RUFY4: variants seen among roughly 807,000 people sequenced by gnomAD.
RUFY4 encodes RUN and FYVE domain-containing protein 4.
Under a neutral mutation model 69.0 loss-of-function variants are expected in RUFY4, and 73 were observed. The ratio of observed to expected loss-of-function variants is 1.06; its 90% CI spans 0.88 to 1.29. The LOEUF is 1.29. Among genes scored for constraint, RUFY4 ranks in the 50% most tolerant of loss-of-function variants. The pLI is 0.00. For missense variants in RUFY4, 770 were observed against 705.6 expected, an observed-to-expected ratio of 1.09 and a Z score of -1.03; for synonymous variants, 287 against 271.8, an observed-to-expected ratio of 1.06 and a Z score of -0.55.
At chr2:218,046,511 A>C (rs969217256) in intron 2 of RUFY4, among the ~76,000 whole-genome samples, 2 of 152,138 alleles carry the variant, frequency 1.3e-5, no homozygotes, top group Non-Finnish European at 2.9e-5. Flanking sequence ...AGTTCCATCC[A>C]TGTTGCTGAA....
At chr2:218,086,587 G>T (rs1207939902) in intron 9 of RUFY4, among the ~76,000 whole-genome samples, 2 of 152,190 alleles carry the variant, frequency 1.3e-5, no homozygotes, top group African/African-American at 4.8e-5. Flanking sequence ...GAATTAAGTG[G>T]GGGAGGTGGT....
At chr2:218,075,065 G>A (rs762963554) in intron 6 of RUFY4, 28 bp from the exon 9 acceptor site, 2 of 1,487,322 alleles carry the variant, frequency 1.3e-6, no homozygotes, top group South Asian at 2.8e-5. Flanking sequence ...TGCTGAGAGG[G>A]ATGACTGGTT....
chr2:218,063,237 C>T lies in RUFY4; in HGVS notation c.-1071+4556C>T, dbSNP rs970182689. ...GCCTTAGAGTCTAAGGGATGACCATCCTACCATCAACCAGGTCCAAGTCCA... is the reference window on the plus strand; with the variant it reads ...GCCTTAGAGTCTAAGGGATGACCATTCTACCATCAACCAGGTCCAAGTCCA... On this transcript the variant is annotated intron_variant and NMD_transcript_variant, in intron 3 of 13. Coordinates refer to the RUFY4 transcript ENST00000457754. Among the ~76,000 whole-genome samples the T allele has an allele frequency of 2.6e-5, 4 of 152,180 alleles. No individual in the cohort carries two copies. The South Asian group carries it at 6.2e-4, about 24-fold the overall frequency.
Position 218,072,504 on chromosome 2 carries a change from C to T in RUFY4, c.279+5C>T. On this transcript the variant is annotated splice_donor_5th_base_variant and intron_variant, in intron 3 of 10. Coordinates refer to ENST00000344321, the Ensembl canonical transcript of RUFY4. ...TTTGTCCGTTCCCAGGACAAGGTAT[C>T]CAGGGCCAGGCAGCAAGAAGGCTGA... The T allele has an allele frequency of 3.3e-6, 5 of 1,536,584 alleles. No homozygotes were observed. Among genetic ancestry groups the T allele is most frequent in the Non-Finnish European group, 4.4e-6 (5 of 1,146,870 alleles).
chr2:218,049,371 G>A (rs749529797), intron 2 of RUFY4, among the ~76,000 whole-genome samples: 1 of 152,120 alleles, frequency 6.6e-6, no homozygotes, highest in African/African-American at 2.4e-5. Flanking sequence ...GATATTTGAG[G>A]TTGAAAGTTT....
At chr2:218,072,689 T>G in intron 3 of RUFY4, 90 bp from the exon 6 acceptor site, 2 of 1,303,740 alleles carry the variant, frequency 1.5e-6, no homozygotes, top group East Asian at 2.5e-5. Flanking sequence ...CCCTTCCCAT[T>G]GCCAAGCACT....
chr2:218,077,591 G>A (rs540183842), intron 8 of RUFY4, among the ~76,000 whole-genome samples: 2 of 152,228 alleles, frequency 1.3e-5, no homozygotes, highest in South Asian at 2.1e-4. Flanking sequence ...TGTGGTCTCC[G>A]GGTACGTCAG....
At chr2:218,065,690 C>T (rs931082003), upstream of RUFY4, 1 of 152,420 alleles carries the variant, frequency 6.6e-6, no homozygotes, top group Non-Finnish European at 1.5e-5. Flanking sequence ...GAGCTGGCCC[C>T]AGGGCCACTG....
chr2:218,089,325 A>G (rs748303044), exon 10 of RUFY4: 2 of 1,613,788 alleles, frequency 1.2e-6, no homozygotes, highest in South Asian at 1.1e-5. Flanking sequence ...GGCCTGTAGC[A>G]AGATCTTTGG....
At chr2:218,039,829 A>G (rs1279288300) in intron 2 of RUFY4, among the ~76,000 whole-genome samples, 1 of 152,170 alleles carries the variant, frequency 6.6e-6, no homozygotes, top group African/African-American at 2.4e-5. Context: ...GGTTGTGCAA[A>G]AGAGTAGCTA....
At chr2:218,073,959 G>A (rs755798786) in intron 6 of RUFY4, 74 bp downstream of exon 8, 6 of 1,444,362 alleles carry the variant, frequency 4.2e-6, no homozygotes, top group South Asian at 1.2e-5. Flanking sequence ...AGTAGAAACT[G>A]AGCTTCCCCC....
At chr2:218,039,335 C>A (rs962722532) in intron 2 of RUFY4, among the ~76,000 whole-genome samples, 7 of 152,142 alleles carry the variant, frequency 4.6e-5, no homozygotes, top group African/African-American at 1.7e-4. Context: ...TTCGGGCATA[C>A]CTGTGGTATG....
chr2:218,059,875 C>G (rs1369706131), intron 3 of RUFY4: 2 of 167,746 alleles, frequency 1.2e-5, no homozygotes, highest in African/African-American at 4.8e-5. Flanking sequence ...AATTCTATGT[C>G]TGATGTTTTG....
upstream of RUFY4, among the ~76,000 whole-genome samples, chr2:218,067,236 C>T (rs147797719): frequency 4.6e-5 from 7 of 152,352 alleles, no homozygotes; most frequent in East Asian, 1.2e-3. Context: ...GATGGCTGCC[C>T]CACCTCCCGG....
At chr2:218,074,169 G>A (rs1209947615) in intron 6 of RUFY4, among the ~76,000 whole-genome samples, 1 of 152,144 alleles carries the variant, frequency 6.6e-6, no homozygotes, top group Non-Finnish European at 1.5e-5. Flanking sequence ...TGAGGGGCGG[G>A]CCACTGAAAG....
At chr2:218,077,302 A>AGGGG (rs529649496) in intron 8 of RUFY4, among the ~76,000 whole-genome samples, 233 of 152,212 alleles carry the variant, frequency 1.5e-3, no homozygotes, top group African/African-American at 5.4e-3. Context: ...CATTGACCTC[A>AGGGG]GGGGCCCACA....
intron 2 of RUFY4, among the ~76,000 whole-genome samples, chr2:218,055,822 G>T (rs1689048837): frequency 6.6e-6 from 1 of 152,130 alleles, no homozygotes; most frequent in South Asian, 2.1e-4. Flanking sequence ...TACAAAACTG[G>T]CAACTTCATG....
At chr2:218,089,981 G>C in exon 11 of RUFY4, 2 of 1,567,890 alleles carry the variant, frequency 1.3e-6, no homozygotes, top group East Asian at 2.4e-5. Context: ...TGCCATGCTT[G>C]CTCCATGGAT....
chr2:218,085,347 GC>G (rs1187444898), intron 9 of RUFY4, among the ~76,000 whole-genome samples: 4 of 151,838 alleles, frequency 2.6e-5, no homozygotes, highest in African/African-American at 7.3e-5. Context: ...ACGACCCTAA[GC>G]AAAAAACAAA....
Sources: gnomAD v4.1 joint callset for allele counts (sites outside exome capture counted in the v4.1 genomes callset) on GRCh38, gnomAD v4.1.1 for gene constraint, MANE v1.5 for transcripts, NCBI Gene and HGNC (gene_info 2026-07-23, HGNC 2026-07-21) for gene names.